XPNPEP1: variants seen among roughly 807,000 people sequenced by gnomAD.
XPNPEP1 encodes the protein X-prolyl aminopeptidase 1.
A neutral mutation model predicts 92.4 loss-of-function variants in XPNPEP1; 39 were observed. The observed-to-expected ratio is 0.42, with a 90% CI of 0.33 to 0.55. The LOEUF is 0.55. XPNPEP1 is among the 20% of genes least tolerant of loss of function. XPNPEP1 has a pLI of 0.08. For missense variants in XPNPEP1, 654 were observed against 856.1 expected, an observed-to-expected ratio of 0.76 and a Z score of 2.95; for synonymous variants, 307 against 299.4, an observed-to-expected ratio of 1.03 and a Z score of -0.26.
chr10:109,923,310 G>A, intron 1 of XPNPEP1, 92 bp downstream of exon 1: 1 of 1,284,150 alleles, frequency 7.8e-7, no homozygotes, highest in Non-Finnish European at 9.8e-7. Flanking sequence ...CTCCTCACCC[G>A]CGCGTCCCTG....
chr10:109,911,044 T>C (rs999979669), intron 2 of XPNPEP1, among the ~76,000 whole-genome samples: 3 of 152,258 alleles, frequency 2.0e-5, no homozygotes, highest in African/African-American at 4.8e-5. Context: ...TCAGTTGTTA[T>C]GGTGATCTCC....
intron 3 of XPNPEP1, 114 bp downstream of exon 3, chr10:109,907,577 T>C (rs1469767697): frequency 1.3e-6 from 2 of 1,511,810 alleles, no homozygotes; most frequent in African/African-American, 2.8e-5. Context: ...TAGCAAGCCC[T>C]GGAAGGGCTT....
At chr10:109,897,895 C>G (rs1490621056) in intron 3 of XPNPEP1, among the ~76,000 whole-genome samples, 2 of 152,034 alleles carry the variant, frequency 1.3e-5, no homozygotes, top group African/African-American at 4.8e-5. Flanking sequence ...CTCAAGTGAT[C>G]CGCCTGCCTC....
intron 18 of XPNPEP1, 85 bp downstream of exon 18, chr10:109,870,646 A>G: frequency 1.3e-6 from 2 of 1,491,042 alleles, no homozygotes; most frequent in Non-Finnish European, 1.8e-6. Context: ...AATTTACTTT[A>G]AACTAATTAA....
intron 12 of XPNPEP1, 74 bp downstream of exon 12, chr10:109,880,114 G>A (rs1848007895): frequency 6.9e-7 from 1 of 1,457,282 alleles, no homozygotes; most frequent in South Asian, 1.1e-5. Flanking sequence ...CATGGGAGAT[G>A]CTAGAGTTAG....
chr10:109,880,102 A>G (rs983018395), intron 12 of XPNPEP1, 86 bp downstream of exon 12: 1 of 1,360,208 alleles, frequency 7.4e-7, no homozygotes, highest in Non-Finnish European at 1.0e-6. Context: ...TGGTCAGCAG[A>G]GCATGGGAGA....
Position 109,865,114 on chromosome 10 carries a change from T to C in XPNPEP1, c.*70A>G, listed in dbSNP as rs1479846986. 3.1e-6 allele frequency: 5 copies of C among 1,600,936 alleles called. No homozygotes were observed. Among genetic ancestry groups the C allele is most frequent in the African/African-American group, 2.7e-5 (2 of 74,632 alleles). On this transcript the variant is annotated 3_prime_UTR_variant, in exon 21 of 21. Transcript: ENST00000502935. ...GAAGAAGGAAAGGAAAGGGGAAAGA[T>C]GTCAGGGATCTGCCACGTTTCTTCC...
Position 109,865,191 on chromosome 10 carries a change from T to A in XPNPEP1, c.1994A>T (p.Gln665Leu). 6.2e-7 allele frequency: 1 copy of A among 1,614,228 alleles called. No homozygotes were observed. Among genetic ancestry groups the A allele is most frequent in the Non-Finnish European group, 8.5e-7 (1 of 1,180,042 alleles). Residue 665 changes from glutamine to leucine, a missense_variant, in exon 21 of 21, where the codon CAG (glutamine) becomes CTG (leucine). By Grantham distance (113) the Gln-to-Leu change is moderately radical (BLOSUM62 -2). Coordinates refer to ENST00000502935, the MANE Select transcript of XPNPEP1 (RefSeq NM_020383.4). ...AAACCGGGGAGGTATTTATTAATGCTGTTTGGAGATGGGTTGCGTCTCTCT... is the reference window on the plus strand; with the variant it reads ...AAACCGGGGAGGTATTTATTAATGCAGTTTGGAGATGGGTTGCGTCTCTCT... ...LIRETQPISK[Q>L]H
In XPNPEP1 at chr10:109,888,061, G is replaced by A. The variant is rs1471094849; in HGVS notation, c.640C>T (p.Leu214=). Residue 214 remains leucine (L), a synonymous_variant, in exon 7 of 21, where the codon CTG becomes TTG. Coordinates refer to ENST00000502935, the MANE Select transcript of XPNPEP1 (RefSeq NM_020383.4). Reference sequence around the variant, plus strand: ...CATTGATTCTGACCTGTGTAATCCAGGCCCAGTGTGAGGAGAGGCTTGCAA... The same window carrying A: ...CATTGATTCTGACCTGTGTAATCCAAGCCCAGTGTGAGGAGAGGCTTGCAA... ...RPCKPLLTLG[L]DYTGISWKDK... 1 of 1,614,086 alleles carries A rather than the reference G, an allele frequency of 6.2e-7. No individual in the cohort carries two copies. Among genetic ancestry groups the A allele is most frequent in the African/African-American group, 1.3e-5 (1 of 75,052 alleles).
chr10:109,913,716 A>G (rs183585887), intron 2 of XPNPEP1, among the ~76,000 whole-genome samples: 123 of 152,364 alleles, frequency 8.1e-4, no homozygotes, highest in East Asian at 5.6e-3. Context: ...GCTGGGGGAC[A>G]TAATAGAGCC....
chr10:109,902,865 TTAG>T (rs1386897314), intron 3 of XPNPEP1, among the ~76,000 whole-genome samples: 46 of 152,344 alleles, frequency 3.0e-4, no homozygotes, highest in African/African-American at 1.1e-3. Context: ...TGCAGGATCA[TTAG>T]TAGGAGATAA....
rs1848531227 is a variant in XPNPEP1 at position 109,888,567 on chromosome 10, G to A, written c.444C>T (p.Asp148=). ...MGLKDTPTQE[D]WLVSVLPEGS... is the part of the protein sequence containing the mutation. ...CTTCAGGAAGCACACTCACCAGCCAGTCTTCCTGAGTTGGTGTGTCCTTCA... is the reference window on the plus strand; with the variant it reads ...CTTCAGGAAGCACACTCACCAGCCAATCTTCCTGAGTTGGTGTGTCCTTCA... Residue 148 remains aspartate (D), a synonymous_variant, in exon 6 of 21, where the codon GAC becomes GAT. Transcript: ENST00000502935. 6.2e-7 allele frequency: 1 copy of A among 1,610,514 alleles called. No homozygotes were observed. The highest frequency in any genetic ancestry group is 8.5e-7 in the Non-Finnish European group (1 of 1,178,062).
chr10:109,914,029 G>C (rs545359843), intron 2 of XPNPEP1, among the ~76,000 whole-genome samples: 27 of 151,798 alleles, frequency 1.8e-4, no homozygotes, highest in African/African-American at 6.0e-4. Flanking sequence ...CTTCCAAACA[G>C]AGATTAGACG....
chr10:109,895,899 C>A (rs1248735975), intron 3 of XPNPEP1, among the ~76,000 whole-genome samples: 1 of 152,204 alleles, frequency 6.6e-6, no homozygotes, highest in African/African-American at 2.4e-5. Flanking sequence ...ATGTTAGCAA[C>A]CTCCTTAAAA....
At chr10:109,873,274 AT>A (rs1211841344) in intron 16 of XPNPEP1, 92 bp downstream of exon 16, 22 of 1,491,012 alleles carry the variant, frequency 1.5e-5, no homozygotes, top group Non-Finnish European at 2.0e-5. Context: ...CCCACATGTA[AT>A]TTTTACTTCT....
chr10:109,889,844 A>G (rs1286886833), intron 5 of XPNPEP1, among the ~76,000 whole-genome samples: 2 of 152,264 alleles, frequency 1.3e-5, no homozygotes, highest in African/African-American at 4.8e-5. Flanking sequence ...GTTTATAAAG[A>G]AAGAAGCTCA....
chr10:109,875,245 G>A (rs973983391), intron 15 of XPNPEP1, among the ~76,000 whole-genome samples: 13 of 152,218 alleles, frequency 8.5e-5, no homozygotes, highest in East Asian at 3.9e-4. Context: ...AACTTTCAAC[G>A]GTTCCAAAAG....
chr10:109,900,386 C>T (rs77607011), intron 3 of XPNPEP1, among the ~76,000 whole-genome samples: 3,411 of 152,260 alleles, frequency 0.022, 52 homozygotes, highest in Non-Finnish European at 0.034. Context: ...ATGAAGCCAG[C>T]CCTTCCTTCT....
At chr10:109,909,194 C>A (rs1849724158) in intron 2 of XPNPEP1, among the ~76,000 whole-genome samples, 1 of 151,964 alleles carries the variant, frequency 6.6e-6, no homozygotes, top group Admixed American at 6.6e-5. Context: ...TGGCGTGAAC[C>A]CGGGAGGCAG....
Sources: gnomAD v4.1 joint callset for allele counts (sites outside exome capture counted in the v4.1 genomes callset) on GRCh38, gnomAD v4.1.1 for gene constraint, MANE v1.5 for transcripts, NCBI Gene and HGNC (gene_info 2026-07-23, HGNC 2026-07-21) for gene names.